NGEF: variants seen among roughly 807,000 people sequenced by gnomAD.
The protein encoded by NGEF is neuronal guanine nucleotide exchange factor.
NGEF carries 31 observed loss-of-function variants against 80.9 expected under a neutral mutation model. The observed-to-expected ratio is 0.38, with a 90% confidence interval of 0.29 to 0.52. NGEF has a LOEUF of 0.52. Ranked by LOEUF, NGEF falls within the 20% of genes least tolerant of loss-of-function variation. NGEF has a pLI of 0.84. For synonymous variants in NGEF, 371 were observed against 370.2 expected (o/e 1.00, Z -0.03); for missense variants, 709 against 926.2 (o/e 0.77, Z 3.04).
chr2:232,927,286 C>T (rs532576997), intron 3 of NGEF, 100 bp from the exon 4 acceptor site: 2 of 1,332,114 alleles, frequency 1.5e-6, no homozygotes, highest in East Asian at 2.5e-5. Flanking sequence ...GCTAGCCAGC[C>T]GGACCTTACC....
rs371155125 is a variant in NGEF at position 233,002,476 on chromosome 2, G to A, written c.-75+10592C>T. ...GAGGGTCACTTCAGGCCAGGAGTTC[G>A]AGACCAGCCTGGGCAACATAGCAAG... On this transcript the variant is annotated intron_variant, in intron 1 of 14. Transcript: ENST00000264051. 2.6e-5 allele frequency among the ~76,000 whole-genome samples: 4 copies of A among 152,080 alleles called. No homozygotes were observed. In the South Asian group the frequency reaches 6.2e-4, roughly 24 times the overall value.
chr2:233,001,427 G>A (rs1012389586), intron 1 of NGEF, among the ~76,000 whole-genome samples: 2 of 152,238 alleles, frequency 1.3e-5, no homozygotes, highest in Admixed American at 6.5e-5. Flanking sequence ...GGTAGGGGGA[G>A]GTGACTCAGA....
At chr2:232,962,198 A>G (rs1345777622) in intron 3 of NGEF, among the ~76,000 whole-genome samples, 1 of 152,244 alleles carries the variant, frequency 6.6e-6, no homozygotes, top group African/African-American at 2.4e-5. Flanking sequence ...GTCCTTGCCA[A>G]TGCAATAAGG....
chr2:232,943,534 C>T (rs996611095), intron 3 of NGEF, among the ~76,000 whole-genome samples: 34 of 137,058 alleles, frequency 2.5e-4, no homozygotes, highest in Admixed American at 6.7e-4. Context: ...CTCACTCTGT[C>T]GCCCAGGCTG....
intron 3 of NGEF, among the ~76,000 whole-genome samples, chr2:232,952,303 A>G (rs1693694040): frequency 6.6e-6 from 1 of 152,260 alleles, no homozygotes; most frequent in Non-Finnish European, 1.5e-5. Flanking sequence ...ACAGATATCT[A>G]TAGAGCACCT....
chr2:232,916,881 A>G (rs895141302), intron 5 of NGEF, among the ~76,000 whole-genome samples: 1 of 152,174 alleles, frequency 6.6e-6, no homozygotes, highest in African/African-American at 2.4e-5. Context: ...TCGCACACAC[A>G]AACTCTCCTG....
At chr2:232,994,356 C>T (rs1205459606) in intron 1 of NGEF, among the ~76,000 whole-genome samples, 4 of 124,168 alleles carry the variant, frequency 3.2e-5, no homozygotes, top group Admixed American at 9.4e-5. Context: ...GGTAACGGAG[C>T]GAGACTTTGT....
At chr2:232,958,829 C>G (rs56406976) in intron 3 of NGEF, among the ~76,000 whole-genome samples, 63,819 of 151,944 alleles carry the variant, frequency 0.42, 15,607 homozygotes, top group Non-Finnish European at 0.53. Flanking sequence ...ATTCATCACC[C>G]AGCTTCAAGA....
chr2:232,977,017 G>A (rs563074353), intron 1 of NGEF, among the ~76,000 whole-genome samples: 13 of 152,312 alleles, frequency 8.5e-5, no homozygotes, highest in African/African-American at 3.1e-4. Flanking sequence ...GAGTGCCTGG[G>A]AGGAAGATGC....
intron 9 of NGEF, 127 bp from the exon 10 acceptor site, chr2:232,885,496 C>T (rs1691649273): frequency 4.0e-6 from 3 of 747,854 alleles, no homozygotes; most frequent in Middle Eastern, 3.3e-4. Context: ...ACAGCTGAGG[C>T]TGGCTGGCCA....
intron 1 of NGEF, among the ~76,000 whole-genome samples, chr2:232,994,572 C>G (rs1694740017): frequency 6.6e-6 from 1 of 152,090 alleles, no homozygotes; most frequent in Admixed American, 6.5e-5. Flanking sequence ...CCACAGCTTG[C>G]CATATGACAC....
Position 232,879,661 on chromosome 2 carries a change from C to T in NGEF, c.1961G>A (p.Arg654His), listed in dbSNP as rs779013074. The change falls in exon 15 of 15, where the codon CGT becomes CAT. Residue 654 changes from arginine (R) to histidine (H), a missense_variant. Arg to His is a conservative substitution (Grantham distance 29). Coordinates refer to ENST00000264051, the MANE Select transcript of NGEF (RefSeq NM_019850.3). ...CCAGCCTCTCTCCTGGTCGTGCAGA[C>T]GCTCGCCAAAGATCCACCCTGTGCA... Reference protein sequence around the residue: ...KTDDGWIFGERLHDQERGWFP... With the variant: ...KTDDGWIFGEHLHDQERGWFP... 15 of 1,612,648 alleles carry T rather than the reference C, an allele frequency of 9.3e-6. No homozygotes were observed. The highest frequency in any genetic ancestry group is 1.7e-5 in the Admixed American group (1 of 59,992).
At position 232,902,722 on chromosome 2, in the gene NGEF, C is replaced by T. The variant is rs181581346; in HGVS notation, c.829-7806G>A. ...TGTTATGTTAAAACCACAACGAGGCCGGGTGCGGTGGCTCACACCTGTAAT... is the reference window on the plus strand; with the variant it reads ...TGTTATGTTAAAACCACAACGAGGCTGGGTGCGGTGGCTCACACCTGTAAT... On this transcript the variant is annotated intron_variant, in intron 5 of 14. Transcript: ENST00000264051. Among the ~76,000 whole-genome samples, 8 of 152,280 alleles carry T rather than the reference C, an allele frequency of 5.3e-5. No homozygotes were observed. In the East Asian group the frequency reaches 9.7e-4, roughly 18 times the overall value.
At chr2:232,944,244 A>T (rs1004957687) in intron 3 of NGEF, among the ~76,000 whole-genome samples, 41 of 152,006 alleles carry the variant, frequency 2.7e-4, no homozygotes, top group African/African-American at 8.7e-4. Context: ...GGAAAAAATT[A>T]AAAAAAAGAA....
chr2:232,962,846 T>C (rs537397680), intron 3 of NGEF, among the ~76,000 whole-genome samples: 1 of 152,046 alleles, frequency 6.6e-6, no homozygotes, highest in Admixed American at 6.5e-5. Context: ...TATTCAGGTG[T>C]CAATGATCTC....
At chr2:232,891,598 A>G in intron 7 of NGEF, 111 bp from the exon 8 acceptor site, 5 of 1,233,024 alleles carry the variant, frequency 4.1e-6, no homozygotes, top group Non-Finnish European at 5.6e-6. Context: ...CGGGCTCAGA[A>G]AACATGTTGA....
At chr2:232,901,517 G>A (rs147372791) in intron 5 of NGEF, 111 of 871,420 alleles carry the variant, frequency 1.3e-4, no homozygotes, top group Non-Finnish European at 1.4e-4. Context: ...TTGCAGCTGC[G>A]TCACCAGGGT....
intron 5 of NGEF, among the ~76,000 whole-genome samples, chr2:232,901,893 C>T (rs543132549): frequency 6.6e-5 from 10 of 152,362 alleles, no homozygotes; most frequent in South Asian, 4.1e-4. Context: ...ATCCAGGCTC[C>T]GTGTCTCCAG....
At chr2:232,940,197 C>T (rs926371549) in intron 3 of NGEF, among the ~76,000 whole-genome samples, 1 of 152,202 alleles carries the variant, frequency 6.6e-6, no homozygotes, top group Non-Finnish European at 1.5e-5. Context: ...ATTTCTATTT[C>T]AGAGTGTCTC....
Sources: allele counts gnomAD v4.1 joint callset (sites outside exome capture counted in the v4.1 genomes callset), GRCh38; gene constraint gnomAD v4.1.1; transcripts MANE v1.5; gene names NCBI Gene and HGNC (gene_info 2026-07-23, HGNC 2026-07-21).